The following SND1 variants were observed in gnomAD, a reference collection of about 807,000 sequenced individuals.
SND1 encodes staphylococcal nuclease domain-containing protein 1.
A neutral mutation model predicts 121.7 loss-of-function variants in SND1; 38 were observed. The ratio of observed to expected loss-of-function variants is 0.31; its 90% CI spans 0.24 to 0.41. The LOEUF is 0.41. Among genes scored for constraint, SND1 ranks in the 10% least tolerant of loss-of-function variants. The pLI is 1.00. For missense variants in SND1, 868 were observed against 1,184.6 expected, an observed-to-expected ratio of 0.73 and a Z score of 3.92; for synonymous variants, 401 against 447.4, an observed-to-expected ratio of 0.90 and a Z score of 1.31.
At chr7:127,926,813 G>T (rs982371052) in intron 14 of SND1, among the ~76,000 whole-genome samples, 1 of 151,404 alleles carries the variant, frequency 6.6e-6, no homozygotes, top group Non-Finnish European at 1.5e-5. Flanking sequence ...GGATACTCTC[G>T]ATCTCCTGAC....
At chr7:128,057,554 A>G (rs1321269881) in intron 16 of SND1, among the ~76,000 whole-genome samples, 2 of 152,164 alleles carry the variant, frequency 1.3e-5, no homozygotes, top group Non-Finnish European at 2.9e-5. Context: ...TCAGGGTCCA[A>G]GGTGTCTACA....
In SND1 at chr7:127,866,338, A is replaced by G. The variant is rs528400467; in HGVS notation, c.1344-21564A>G. Reference sequence around the variant, plus strand: ...GAGTTACTAAGTTGGATTATGAGCTATGGTTCAAGAAGCATATAGCATTTT... The same window carrying G: ...GAGTTACTAAGTTGGATTATGAGCTGTGGTTCAAGAAGCATATAGCATTTT... On this transcript the variant is annotated intron_variant, in intron 12 of 23. Coordinates refer to ENST00000354725, the MANE Select transcript of SND1 (RefSeq NM_014390.4). Among the ~76,000 whole-genome samples, 7 of 152,348 alleles carry G rather than the reference A, an allele frequency of 4.6e-5. No homozygotes were observed. The South Asian group carries it at 8.3e-4, about 18-fold the overall frequency.
At chr7:127,671,381 A>C (rs527272555) in intron 1 of SND1, among the ~76,000 whole-genome samples, 3 of 152,242 alleles carry the variant, frequency 2.0e-5, no homozygotes, top group Non-Finnish European at 4.4e-5. Flanking sequence ...ATGTTCTATA[A>C]AGTTGCAAAC....
At chr7:127,977,152 T>G (rs1211442787) in intron 15 of SND1, among the ~76,000 whole-genome samples, 1 of 152,214 alleles carries the variant, frequency 6.6e-6, no homozygotes, top group East Asian at 1.9e-4. Flanking sequence ...GAAAAAGGGA[T>G]GCTCCCTGTT....
At chr7:127,765,450 A>T (rs1797394220) in intron 10 of SND1, among the ~76,000 whole-genome samples, 1 of 152,228 alleles carries the variant, frequency 6.6e-6, no homozygotes, top group South Asian at 2.1e-4. Context: ...AGCTCTGTGC[A>T]CAGTGAGAAT....
intron 9 of SND1, among the ~76,000 whole-genome samples, chr7:127,712,928 T>C (rs1348440966): frequency 1.3e-5 from 2 of 152,370 alleles, no homozygotes; most frequent in South Asian, 2.1e-4. Flanking sequence ...TTTTTCGTTA[T>C]TTAGAAAGTG....
At chr7:127,694,276 T>C (rs542446619) in intron 2 of SND1, among the ~76,000 whole-genome samples, 1 of 152,296 alleles carries the variant, frequency 6.6e-6, no homozygotes, top group South Asian at 2.1e-4. Context: ...TAGAATCATG[T>C]CCCTCCTCCA....
At chr7:127,686,562 T>C in intron 1 of SND1, 51 bp from the exon 2 acceptor site, 7 of 1,580,276 alleles carry the variant, frequency 4.4e-6, no homozygotes, top group Non-Finnish European at 6.1e-6. Flanking sequence ...ACCTGCATTA[T>C]GGTGATACGG....
At chr7:128,014,379 T>C (rs1415281370) in intron 16 of SND1, among the ~76,000 whole-genome samples, 7 of 134,886 alleles carry the variant, frequency 5.2e-5, no homozygotes, top group African/African-American at 1.9e-4. Context: ...GTATTTGATA[T>C]AGCATCTAGA....
At chr7:127,799,229 C>T (rs1798082915) in intron 10 of SND1, among the ~76,000 whole-genome samples, 1 of 152,138 alleles carries the variant, frequency 6.6e-6, no homozygotes, top group African/African-American at 2.4e-5. Context: ...AGCTGCAGTG[C>T]CTGGCTCACA....
intron 12 of SND1, among the ~76,000 whole-genome samples, chr7:127,844,917 T>C (rs1411129126): frequency 2.0e-5 from 3 of 152,194 alleles, no homozygotes; most frequent in Admixed American, 2.0e-4. Flanking sequence ...GCAGCCAGGC[T>C]GAGGAAGAGT....
At chr7:127,823,137 C>T (rs994584363) in intron 11 of SND1, among the ~76,000 whole-genome samples, 7 of 152,118 alleles carry the variant, frequency 4.6e-5, no homozygotes, top group Admixed American at 2.6e-4. Flanking sequence ...AGGGGATGAG[C>T]AAAGTGAGCA....
chr7:127,944,453 T>C (rs552708212), intron 15 of SND1, among the ~76,000 whole-genome samples: 1 of 152,348 alleles, frequency 6.6e-6, no homozygotes, highest in African/African-American at 2.4e-5. Context: ...CCCTCTATTG[T>C]GGCGCCTGCT....
rs139981691 is a variant in SND1 at position 127,771,554 on chromosome 7, T to C, written c.1153-35930T>C. On this transcript the variant is annotated intron_variant, in intron 10 of 23. Transcript: ENST00000354725. ...TTTTCCATCTGTGGTAGATTTGTAG[T>C]GTATTCATGAAGTGTATCCTGCCTT... 3.9e-3 allele frequency among the ~76,000 whole-genome samples: 596 copies of C among 152,316 alleles called. 3 individuals carry two copies. Among genetic ancestry groups the C allele is most frequent in the Admixed American group, 6.5e-3 (99 of 15,312 alleles).
intron 15 of SND1, among the ~76,000 whole-genome samples, chr7:127,942,085 C>T (rs1424344566): frequency 6.6e-6 from 1 of 151,824 alleles, no homozygotes; most frequent in African/African-American, 2.4e-5. Context: ...TTTTTTCCTC[C>T]ACAGTTTGGT....
chr7:128,060,831 A>G (rs970563372), intron 16 of SND1, among the ~76,000 whole-genome samples: 5 of 152,132 alleles, frequency 3.3e-5, no homozygotes, highest in Admixed American at 6.5e-5. Context: ...TCTTCCTCCA[A>G]AGTCAAAGAG....
At chr7:128,066,983 C>T (rs3757753) in intron 16 of SND1, among the ~76,000 whole-genome samples, 68,206 of 151,934 alleles carry the variant, frequency 0.45, 16,713 homozygotes, top group African/African-American at 0.64. Flanking sequence ...CCATTTCCCG[C>T]GCCCCCCTGC....
At chr7:127,898,955 C>G (rs957888891) in intron 13 of SND1, among the ~76,000 whole-genome samples, 1 of 152,134 alleles carries the variant, frequency 6.6e-6, no homozygotes, top group African/African-American at 2.4e-5. Context: ...GCCAACAAAC[C>G]TCATTTTTTT....
chr7:128,046,312 TGGGTTTTTTG>T (rs1180661372), intron 16 of SND1, among the ~76,000 whole-genome samples: 1 of 151,482 alleles, frequency 6.6e-6, no homozygotes, highest in African/African-American at 2.4e-5. Flanking sequence ...TTGCCCATGC[TGGGTTTTTTG>T]GGGTTTTTTG....
Sources: allele counts gnomAD v4.1 joint callset (sites outside exome capture counted in the v4.1 genomes callset), GRCh38; gene constraint gnomAD v4.1.1; transcripts MANE v1.5; gene names NCBI Gene and HGNC (gene_info 2026-07-23, HGNC 2026-07-21).